Variants in LDHD observed in about 807,000 individuals in gnomAD.
The protein encoded by LDHD is D-lactate dehydrogenase, mitochondrial.
Under a neutral mutation model 52.9 loss-of-function variants are expected in LDHD, and 58 were observed. The ratio of observed to expected loss-of-function variants is 1.10; its 90% CI spans 0.89 to 1.36. LDHD has a LOEUF of 1.36. Ranked by LOEUF, LDHD falls within the 40% of genes most tolerant of loss-of-function variation. LDHD has a pLI of 0.00. For missense variants in LDHD, 747 were observed against 668.0 expected, an observed-to-expected ratio of 1.12 and a Z score of -1.30; for synonymous variants, 350 against 288.6, an observed-to-expected ratio of 1.21 and a Z score of -2.16.
At chr16:75,114,298 C>T in intron 5 of LDHD, 133 bp from the exon 6 acceptor site, 4 of 1,525,210 alleles carry the variant, frequency 2.6e-6, no homozygotes, top group Non-Finnish European at 2.6e-6. Flanking sequence ...GGCCCAGTTT[C>T]CCTGGCCCAG....
Position 75,112,331 on chromosome 16 carries a change from T to G in LDHD, c.*25A>C, listed in dbSNP as rs760074858. 6 of 1,582,908 alleles carry G rather than the reference T, an allele frequency of 3.8e-6. No homozygotes were observed. In the African/African-American group the frequency reaches 5.4e-5, roughly 14 times the overall value. On this transcript the variant is annotated 3_prime_UTR_variant, in exon 11 of 11. Coordinates refer to ENST00000450168, the MANE Select transcript of LDHD (RefSeq NM_194436.3). ...GAACCGGCTCCGTAGTCAGGGAACT[T>G]GTGGGCTAAGTGCTCAGACCCCCTT...
Position 75,114,815 on chromosome 16 carries a change from C to A in LDHD, c.469+12G>T, listed in dbSNP as rs371336231. On this transcript the variant is annotated intron_variant, in intron 4 of 10. Coordinates refer to ENST00000450168, the MANE Select transcript of LDHD (RefSeq NM_194436.3). ...TGCCCTCAGGGTCCCAGGAAAGGTT[C>A]GCGAGTCCTACCCACGGGAAACCAG... 1 of 1,609,052 alleles carries A rather than the reference C, an allele frequency of 6.2e-7. No homozygotes were observed. Among genetic ancestry groups the A allele is most frequent in the Admixed American group, 1.7e-5 (1 of 59,412 alleles).
chr16:75,112,799 T>C (rs747014862), intron 9 of LDHD, 35 bp downstream of exon 9: 1 of 1,603,204 alleles, frequency 6.2e-7, no homozygotes, highest in South Asian at 1.1e-5. Flanking sequence ...CCCTGACACC[T>C]CCCCACCTCT....
Position 75,112,934 on chromosome 16 carries a change from G to A in LDHD, c.1087-10C>T. The A allele has an allele frequency of 6.2e-7, 1 of 1,606,288 alleles. No homozygotes were observed. On this transcript the variant is annotated splice_polypyrimidine_tract_variant and intron_variant, in intron 8 of 10. Coordinates refer to ENST00000450168, the MANE Select transcript of LDHD (RefSeq NM_194436.3). ...CATCCGTGGAGTAGCCCTGGTCAGA[G>A]GGAAGCCTATGAGTTACCCCTGCCT...
rs2036405313 is a variant in LDHD at position 75,112,074 on chromosome 16, C to T, written c.*282G>A. On this transcript the variant is annotated 3_prime_UTR_variant, in exon 11 of 11. Coordinates refer to ENST00000450168, the MANE Select transcript of LDHD (RefSeq NM_194436.3). ...AATGGACCCAGACGCTCTCTTCCCG[C>T]CAGGACAGGATGCGTAGGAGCAGAG... The T allele has an allele frequency of 2.4e-6, 1 of 408,358 alleles. No individual in the cohort carries two copies. Among genetic ancestry groups the T allele is most frequent in the Admixed American group, 4.1e-5 (1 of 24,630 alleles). 25.3% of individuals were successfully genotyped at this position (408,358 alleles called of 1,614,324 possible).
chr16:75,114,661 CAGAG>C lies in LDHD; in HGVS notation c.490_493del (p.Leu164ValfsTer109), dbSNP rs147024170. ...CGACGCCCCGGTGGCCGCCATGCCA[CAGAG>C]AGAGGCGTCCGCGCCTGGGTCTGGA... On this transcript the variant is annotated frameshift_variant, in exon 5 of 11. Transcript: ENST00000450168. LOFTEE classifies it high-confidence loss of function. 51 of 1,532,266 alleles carry C rather than the reference CAGAG, an allele frequency of 3.3e-5. No individual in the cohort carries two copies. Among genetic ancestry groups the C allele is most frequent in the Non-Finnish European group, 4.0e-5 (46 of 1,140,534 alleles). The allele number at this position is 1,532,266 out of a possible 1,614,324, so 94.9% of individuals were successfully genotyped here. A position where few individuals can be genotyped will look rare whatever the true frequency, so the allele number is the denominator to read the frequency against.
Position 75,112,503 on chromosome 16 carries a change from G to T in LDHD, c.1308C>A (p.His436Gln), listed in dbSNP as rs375856225. 3 of 1,613,282 alleles carry T rather than the reference G, an allele frequency of 1.9e-6. No individual in the cohort carries two copies. Among genetic ancestry groups the T allele is most frequent in the Non-Finnish European group, 2.5e-6 (3 of 1,179,862 alleles). The change falls in exon 11 of 11, where the codon CAC becomes CAA. Residue 436 changes from histidine to glutamine, a missense_variant. His to Gln is a conservative substitution (Grantham distance 24). Coordinates refer to ENST00000450168, the MANE Select transcript of LDHD (RefSeq NM_194436.3). ...TGCCATGCTCCCCCGTGCACGTTCC[G>T]TGGAGAGCCAGTGCCCGCCTGGGGG... ...EQLGRRALALHGTCTGEHGIG... is the reference protein window; with the variant it reads ...EQLGRRALALQGTCTGEHGIG...
chr16:75,112,667 C>G lies in LDHD; in HGVS notation c.1224G>C (p.Leu408=), dbSNP rs917681026. The change falls in exon 10 of 11, where the codon CTG becomes CTC. Residue 408 remains leucine (L), a synonymous_variant. Coordinates refer to ENST00000450168, the MANE Select transcript of LDHD (RefSeq NM_194436.3). ...HVGDGNFHCI[L]LVNPDDAEEL... is the part of the protein sequence containing the mutation. ...CCTCGGCGTCATCAGGGTTGACCAG[C>G]AGGATGCAGTGGAAGTTGCCGTCAC... 1 of 1,614,168 alleles carries G rather than the reference C, an allele frequency of 6.2e-7. No individual in the cohort carries two copies.
At chr16:75,113,894 C>G (rs765504513) in intron 6 of LDHD, 24 bp from the exon 7 acceptor site, 14 of 1,613,232 alleles carry the variant, frequency 8.7e-6, no homozygotes, top group African/African-American at 4.0e-5. Context: ...GATGGCAGGC[C>G]AGGTGAGGCC....
At chr16:75,115,051 C>G in intron 3 of LDHD, 83 bp from the exon 4 acceptor site, 1 of 1,543,706 alleles carries the variant, frequency 6.5e-7, no homozygotes, top group Non-Finnish European at 8.8e-7. Flanking sequence ...GCGGGTGTCC[C>G]CCCAGCAGCC....
At chr16:75,113,915 A>AG in intron 6 of LDHD, 45 bp from the exon 7 acceptor site, 1 of 1,611,008 alleles carries the variant, frequency 6.2e-7, no homozygotes, top group South Asian at 1.1e-5. Flanking sequence ...TGGCCTTCCC[A>AG]GGGGGCCTCT....
intron 2 of LDHD, 76 bp from the exon 3 acceptor site, chr16:75,115,415 A>T: frequency 1.2e-6 from 2 of 1,601,072 alleles, no homozygotes; most frequent in Admixed American, 3.3e-5. Flanking sequence ...CTGAGGCTAC[A>T]GCAAGCGAGG....
In LDHD at chr16:75,112,680, A is replaced by T; in HGVS notation, c.1211T>A (p.Phe404Tyr). Residue 404 changes from phenylalanine to tyrosine, a missense_variant, in exon 10 of 11, where the codon TTC becomes TAC. By Grantham distance (22) the Phe-to-Tyr change is conservative. Coordinates refer to ENST00000450168, the MANE Select transcript of LDHD (RefSeq NM_194436.3). ...SIVGHVGDGN[F>Y]HCILLVNPDD... is the part of the protein sequence containing the mutation. ...AGGGTTGACCAGCAGGATGCAGTGG[A>T]AGTTGCCGTCACCCACATGCCCGAC... 2 of 1,614,112 alleles carry T rather than the reference A, an allele frequency of 1.2e-6. No individual in the cohort carries two copies. The highest frequency in any genetic ancestry group is 1.7e-6 in the Non-Finnish European group (2 of 1,180,008).
rs1397006331 is a variant in LDHD, at chr16:75,112,841, T to A, written c.1170A>T (p.Gly390=). 1 of 1,612,988 alleles carries A rather than the reference T, an allele frequency of 6.2e-7. No individual in the cohort carries two copies. Among genetic ancestry groups the A allele is most frequent in the Admixed American group, 1.7e-5 (1 of 59,916 alleles). ...CAGCAGGGTGGGCAGAACCTGTGAGTCCTGAGGCATTCAGATCCTCCTTGG... is the reference window on the plus strand; with the variant it reads ...CAGCAGGGTGGGCAGAACCTGTGAGACCTGAGGCATTCAGATCCTCCTTGG... The part of the protein sequence containing the change: ...VQTKEDLNAS[G]LTGSIVGHVG... Residue 390 remains glycine (G), a synonymous_variant, in exon 9 of 11, where the codon GGA becomes GGT. Coordinates refer to ENST00000450168, the MANE Select transcript of LDHD (RefSeq NM_194436.3).
Position 75,115,542 on chromosome 16 carries a change from C to G in LDHD, c.185+6G>C. 6.2e-7 allele frequency: 1 copy of G among 1,612,532 alleles called. No homozygotes were observed. The highest frequency in any genetic ancestry group is 8.5e-7 in the Non-Finnish European group (1 of 1,179,528). On this transcript the variant is annotated splice_donor_region_variant and intron_variant, in intron 2 of 10. Coordinates refer to ENST00000450168, the MANE Select transcript of LDHD (RefSeq NM_194436.3). The stretch of plus-strand genomic sequence containing the variant: ...ACAGGGGAGGGGCCCGCGAACCCTC[C>G]CATACCTGTGCACCGACTCATCGCG...
Position 75,114,878 on chromosome 16 carries a change from G to T in LDHD, c.418C>A (p.Arg140Ser). Residue 140 changes from arginine (R) to serine (S), a missense_variant, in exon 4 of 11, where the codon CGC (arginine) becomes AGC (serine). Physicochemically the swap from Arg to Ser is moderately radical, Grantham distance 110. Coordinates refer to ENST00000450168, the MANE Select transcript of LDHD (RefSeq NM_194436.3). ...FSVVVEPGVTRKALNAHLRDS... is the reference protein window; with the variant it reads ...FSVVVEPGVTSKALNAHLRDS... ...CGCAGGTGGGCGTTGAGGGCTTTGCGGGTGACACCTGGCTCCACCACCACA... is the reference window on the plus strand; with the variant it reads ...CGCAGGTGGGCGTTGAGGGCTTTGCTGGTGACACCTGGCTCCACCACCACA... 1.2e-6 allele frequency: 2 copies of T among 1,613,988 alleles called. No homozygotes were observed. Among genetic ancestry groups the T allele is most frequent in the South Asian group, 2.2e-5 (2 of 91,088 alleles).
chr16:75,112,358 A>G lies in LDHD; in HGVS notation c.1453T>C (p.Ter485ArgextTer30). ...QGLMNPGKVL[*>R] ...TGGGCTAAGTGCTCAGACCCCCTTC[A>G]CAGCACTTTGCCTGGATTCATGAGG... The change falls in exon 11 of 11, where the codon TGA becomes CGA. Residue 485 changes from the stop codon to arginine, a stop_lost. Transcript: ENST00000450168. 1 of 1,608,778 alleles carries G rather than the reference A, an allele frequency of 6.2e-7. No individual in the cohort carries two copies. The highest frequency in any genetic ancestry group is 8.5e-7 in the Non-Finnish European group (1 of 1,176,542).
Position 75,113,608 on chromosome 16 carries a change from T to C in LDHD, c.1013A>G (p.Glu338Gly). 1.2e-6 allele frequency: 2 copies of C among 1,613,218 alleles called. No homozygotes were observed. The highest frequency in any genetic ancestry group is 1.7e-6 in the Non-Finnish European group (2 of 1,180,000). The change falls in exon 8 of 11, where the codon GAG becomes GGG. Residue 338 changes from glutamate (E) to glycine (G), a missense_variant. Coordinates refer to ENST00000450168, the MANE Select transcript of LDHD (RefSeq NM_194436.3). ...TGCTGTCCAAAGCCGGCTGCGCTCC[T>C]CGGCCTCCTTGGCCCAGGAGAAGTC... The part of the protein sequence containing the change: ...ASDFSWAKEA[E>G]ERSRLWTARH...
rs767531013 is a variant in LDHD at position 75,116,668 on chromosome 16, T to G, written c.53A>C (p.Tyr18Ser). The G allele has an allele frequency of 7.5e-6, 12 of 1,603,714 alleles. No individual in the cohort carries two copies. The East Asian group carries it at 2.7e-4, about 37-fold the overall frequency. Residue 18 changes from tyrosine (Y) to serine (S), a missense_variant, in exon 1 of 11, where the codon TAC (tyrosine) becomes TCC (serine). Physicochemically the swap from Tyr to Ser is moderately radical, Grantham distance 144. Coordinates refer to ENST00000450168, the MANE Select transcript of LDHD (RefSeq NM_194436.3). ...CGGTACCTTTGCCTTCTGGGAGCAG[T>G]AGCCCCTCCAGGGGAACAGCTCCCA... ...ATWELFPWRGYCSQKAKGELC... is the reference protein window; with the variant it reads ...ATWELFPWRGSCSQKAKGELC...
Sources: gnomAD v4.1 joint callset for allele counts on GRCh38, gnomAD v4.1.1 for gene constraint, MANE v1.5 for transcripts, NCBI Gene and HGNC (gene_info 2026-07-23, HGNC 2026-07-21) for gene names.